RILPL1: variants seen among roughly 807,000 people sequenced by gnomAD.
RILPL1 encodes RILP-like protein 1.
RILPL1 carries 33 observed loss-of-function variants against 50.3 expected under a neutral mutation model. The observed-to-expected ratio is 0.66, with a 90% CI of 0.50 to 0.88. The LOEUF (loss-of-function observed/expected upper bound fraction) is 0.88. RILPL1 is among the 40% of genes least tolerant of loss of function. RILPL1 has a pLI of 0.00. For missense variants in RILPL1, 418 were observed against 542.5 expected (o/e 0.77, Z 2.28); for synonymous variants, 205 against 228.6 (o/e 0.90, Z 0.93).
intron 4 of RILPL1, among the ~76,000 whole-genome samples, chr12:123,497,651 C>T (rs1277684884): frequency 6.6e-6 from 1 of 152,144 alleles, no homozygotes; most frequent in East Asian, 1.9e-4. Context: ...CTCAGCCTCC[C>T]AAAGTGCTGG....
intron 2 of RILPL1, among the ~76,000 whole-genome samples, chr12:123,507,313 A>C (rs1013363231): frequency 1.3e-5 from 2 of 152,182 alleles, no homozygotes; most frequent in Non-Finnish European, 2.9e-5. Context: ...CTGTAATCCC[A>C]GCACTTTGGG....
At chr12:123,506,211 A>G (rs1372093869) in intron 2 of RILPL1, among the ~76,000 whole-genome samples, 1 of 152,218 alleles carries the variant, frequency 6.6e-6, no homozygotes, top group East Asian at 1.9e-4. Flanking sequence ...TGGCAAGGAC[A>G]GCGCAGCACA....
At position 123,492,150 on chromosome 12, in the gene RILPL1, C is replaced by T. The variant is rs551643841; in HGVS notation, c.802-6345G>A. ...TTAGCCTATCATGGTGGCTTGAACC[C>T]GGGAGGTGGAGGTTGCAGTGAACTG... On this transcript the variant is annotated intron_variant, in intron 4 of 6. Transcript: ENST00000376874. 4.8e-4 allele frequency among the ~76,000 whole-genome samples: 73 copies of T among 151,680 alleles called. No individual in the cohort carries two copies. The South Asian group carries it at 0.014, about 29-fold the overall frequency.
intron 5 of RILPL1, chr12:123,484,751 G>T: frequency 4.5e-6 from 1 of 221,876 alleles, no homozygotes; most frequent in Admixed American, 5.1e-5. Context: ...CTTGACCTTG[G>T]GCTGAAATGA....
intron 2 of RILPL1, among the ~76,000 whole-genome samples, chr12:123,512,070 GGTCT>G (rs199779357): frequency 3.2e-5 from 4 of 123,396 alleles, no homozygotes; most frequent in Admixed American, 8.0e-5. Context: ...TGGTGTGTGA[GGTCT>G]GTGTGTGTGT....
Position 123,503,171 on chromosome 12 carries a change from A to G in RILPL1, c.461-3635T>C, listed in dbSNP as rs374449019. Among the ~76,000 whole-genome samples the G allele has an allele frequency of 1.5e-3, 197 of 134,622 alleles. 3 individuals are homozygous for G. In the East Asian group the frequency reaches 0.025, roughly 17 times the overall value. 88.3% of individuals were successfully genotyped at this position (134,622 alleles called of 152,430 possible). A position where few individuals can be genotyped will look rare whatever the true frequency, so the allele number is the denominator to read the frequency against. On this transcript the variant is annotated intron_variant, in intron 2 of 6. Transcript: ENST00000376874. ...AAAGTGCTGGGATTTACAGGCGTGA[A>G]CCACCACGCCTGGCCTTTTTTTTTT...
chr12:123,470,232 C>G lies in RILPL1; in HGVS notation c.*2306G>C, dbSNP rs1881122641. The G allele has an allele frequency of 6.6e-6, 1 of 151,794 alleles. No individual in the cohort carries two copies. The highest frequency in any genetic ancestry group is 2.4e-5 in the African/African-American group (1 of 41,292). The allele number at this position is 151,794 out of a possible 1,614,324, so 9.4% of individuals were successfully genotyped here. Reference sequence around the variant, plus strand: ...GTGGCTCACACCTGAATTCCCAGCACTTTGGGAGGCTGGGGTGTGAGGATC... The same window carrying G: ...GTGGCTCACACCTGAATTCCCAGCAGTTTGGGAGGCTGGGGTGTGAGGATC... On this transcript the variant is annotated 3_prime_UTR_variant, in exon 7 of 7. Coordinates refer to ENST00000376874, the MANE Select transcript of RILPL1 (RefSeq NM_178314.5).
At chr12:123,493,185 T>G (rs561060878) in intron 4 of RILPL1, among the ~76,000 whole-genome samples, 2 of 152,236 alleles carry the variant, frequency 1.3e-5, no homozygotes, top group African/African-American at 4.8e-5. Context: ...AAAAACCGCC[T>G]TAAGGCTGGA....
chr12:123,523,363 T>C, intron 2 of RILPL1, 132 bp downstream of exon 2: 1 of 1,045,332 alleles, frequency 9.6e-7, no homozygotes, highest in African/African-American at 1.6e-5. Context: ...ATCAACACAA[T>C]ACAGAAGGCA....
At chr12:123,490,886 G>A (rs1403699406) in intron 4 of RILPL1, among the ~76,000 whole-genome samples, 4 of 152,136 alleles carry the variant, frequency 2.6e-5, no homozygotes, top group Non-Finnish European at 4.4e-5. Flanking sequence ...AAGTAGCTGG[G>A]AGTACAGGCA....
rs36117410 is a variant in RILPL1 at position 123,525,383 on chromosome 12, A to ATTT, written c.310-1741_310-1739dup. 5.1e-3 allele frequency among the ~76,000 whole-genome samples: 682 copies of ATTT among 134,374 alleles called. 10 individuals are homozygous for ATTT. Among genetic ancestry groups the ATTT allele is most frequent in the Middle Eastern group, 0.011 (3 of 264 alleles). The allele number at this position is 134,374 out of a possible 152,430, so 88.2% of individuals were successfully genotyped here. ...AGGCAGACGCCACCATGACTGGCTAATTTTTTTTTTTTTTTTTAGAGATGG... is the reference window on the plus strand; with the variant it reads ...AGGCAGACGCCACCATGACTGGCTAATTTTTTTTTTTTTTTTTTTTAGAGATGG... On this transcript the variant is annotated intron_variant, in intron 1 of 6. Coordinates refer to ENST00000376874, the MANE Select transcript of RILPL1 (RefSeq NM_178314.5).
intron 4 of RILPL1, among the ~76,000 whole-genome samples, chr12:123,487,058 C>T (rs2139321028): frequency 6.6e-6 from 1 of 152,264 alleles, no homozygotes; most frequent in East Asian, 1.9e-4. Flanking sequence ...CTTTGCCTCC[C>T]AAAGTGCTGG....
intron 2 of RILPL1, among the ~76,000 whole-genome samples, chr12:123,516,208 T>C (rs907085670): frequency 6.6e-6 from 1 of 152,162 alleles, no homozygotes; most frequent in Non-Finnish European, 1.5e-5. Context: ...GGAACGATGA[T>C]GACCACAGCT....
rs760762322 is a variant in RILPL1 at position 123,485,200 on chromosome 12, T to C, written c.974+433A>G. 6.6e-5 allele frequency: 30 copies of C among 456,978 alleles called. No individual in the cohort carries two copies. Among genetic ancestry groups the C allele is most frequent in the Non-Finnish European group, 8.3e-5 (19 of 227,584 alleles). The allele number at this position is 456,978 out of a possible 1,614,324, so 28.3% of individuals were successfully genotyped here. ...GATAAATAAGACTTCTGGTCTCATG[T>C]TGCTTGTGGTCTCATGTGGAAACCT... On this transcript the variant is annotated intron_variant, in intron 5 of 6. Coordinates refer to ENST00000376874, the MANE Select transcript of RILPL1 (RefSeq NM_178314.5). The surrounding 1 kb of genome is among the most constrained non-coding windows in gnomAD (Gnocchi z 4.0).
chr12:123,488,334 A>G (rs1882474717), intron 4 of RILPL1, among the ~76,000 whole-genome samples: 1 of 151,104 alleles, frequency 6.6e-6, no homozygotes, highest in South Asian at 2.1e-4. Flanking sequence ...CCAGTTACAT[A>G]GGAGGCTGAG....
intron 6 of RILPL1, chr12:123,476,030 A>G: frequency 2.9e-6 from 1 of 347,884 alleles, no homozygotes; most frequent in South Asian, 3.0e-5. Context: ...TAGCCTCCTG[A>G]GTGGCTAGGG....
At chr12:123,483,427 C>T (rs1001066829) in intron 6 of RILPL1, among the ~76,000 whole-genome samples, 8 of 152,238 alleles carry the variant, frequency 5.3e-5, no homozygotes, top group Non-Finnish European at 8.8e-5. Flanking sequence ...TCTGTGGGAA[C>T]AGGACCCAGC....
At chr12:123,528,036 T>C (rs1240897509) in intron 1 of RILPL1, among the ~76,000 whole-genome samples, 1 of 152,164 alleles carries the variant, frequency 6.6e-6, no homozygotes, top group South Asian at 2.1e-4. Flanking sequence ...CTGTATGACA[T>C]TGTATCCATA....
intron 2 of RILPL1, among the ~76,000 whole-genome samples, chr12:123,504,201 C>T (rs894060624): frequency 6.6e-6 from 1 of 152,088 alleles, no homozygotes; most frequent in East Asian, 1.9e-4. Flanking sequence ...AGGCTCAATC[C>T]GAGGTGAACA....
Sources: allele counts gnomAD v4.1 joint callset (sites outside exome capture counted in the v4.1 genomes callset), GRCh38; gene constraint gnomAD v4.1.1; non-coding constraint Gnocchi (gnomAD v3.1); transcripts MANE v1.5; gene names NCBI Gene and HGNC (gene_info 2026-07-23, HGNC 2026-07-21).